EPS8: variants seen among roughly 807,000 people sequenced by gnomAD.
The protein encoded by EPS8 is EGFR pathway substrate 8, signaling adaptor.
In EPS8, 42 loss-of-function variants were observed where a neutral mutation model predicts 103.8. The ratio of observed to expected loss-of-function variants is 0.40; its 90% CI spans 0.32 to 0.52. The LOEUF (loss-of-function observed/expected upper bound fraction) is 0.52. EPS8 is among the 20% of genes least tolerant of loss of function. The pLI, the probability that EPS8 is intolerant of heterozygous loss-of-function variation, is 0.40. For synonymous variants in EPS8, 344 were observed against 344.6 expected, an observed-to-expected ratio of 1.00 and a Z score of 0.02; for missense variants, 969 against 1,005.1, an observed-to-expected ratio of 0.96 and a Z score of 0.49.
rs567194630 is a variant in EPS8 at position 15,655,257 on chromosome 12, G to A, written c.1102-964C>T. 6.6e-5 allele frequency among the ~76,000 whole-genome samples: 10 copies of A among 152,208 alleles called. No homozygotes were observed. The South Asian group carries it at 1.0e-3, about 16-fold the overall frequency. ...TGTGTTAACCCCACAGTGTAACTCC[G>A]ATGTACCACTCCCCAGCCTGCGTCC... On this transcript the variant is annotated intron_variant, in intron 12 of 20. Coordinates refer to ENST00000281172, the MANE Select transcript of EPS8 (RefSeq NM_004447.6).
chr12:15,751,723 G>A lies in EPS8; in HGVS notation c.-22+37438C>T, dbSNP rs1007593180. 6.6e-6 allele frequency among the ~76,000 whole-genome samples: 1 copy of A among 151,906 alleles called. No homozygotes were observed. Among genetic ancestry groups the A allele is most frequent in the South Asian group, 2.1e-4 (1 of 4,802 alleles). ...TTTTATGCTATGTTCATGCCATTTC[G>A]CTCTCTCCTCCCTCCCTCCTCTATA... On this transcript the variant is annotated intron_variant, in intron 1 of 20. Coordinates refer to ENST00000281172, the MANE Select transcript of EPS8 (RefSeq NM_004447.6). The surrounding 1 kb of genome is among the most constrained non-coding windows in gnomAD (Gnocchi z 4.3).
At position 15,650,864 on chromosome 12, in the gene EPS8, C is replaced by T; in HGVS notation, c.1393G>A (p.Glu465Lys). Reference sequence around the variant, plus strand: ...TTTATTTCCTGTTTGCGCTGATGTTCTGCTACATTTGCCACAGATTCTGCC... The same window carrying T: ...TTTATTTCCTGTTTGCGCTGATGTTTTGCTACATTTGCCACAGATTCTGCC... ...QLAESVANVA[E>K]HQRKQEIKRL... The change falls in exon 14 of 21, where the codon GAA becomes AAA. Residue 465 changes from glutamate to lysine, a missense_variant. Transcript: ENST00000281172. The T allele has an allele frequency of 6.2e-7, 1 of 1,613,968 alleles. No individual in the cohort carries two copies. Among genetic ancestry groups the T allele is most frequent in the Non-Finnish European group, 8.5e-7 (1 of 1,179,936 alleles).
In EPS8 at chr12:15,745,182, T is replaced by C. The variant is rs141808742; in HGVS notation, c.-22+43979A>G. ...GGCCAATTGTCCATTATTTTTAACATTATTTGTAAAGAAAAACTCTACCTG... is the reference window on the plus strand; with the variant it reads ...GGCCAATTGTCCATTATTTTTAACACTATTTGTAAAGAAAAACTCTACCTG... On this transcript the variant is annotated intron_variant, in intron 1 of 20. Transcript: ENST00000281172. The surrounding 1 kb of genome is among the most constrained non-coding windows in gnomAD (Gnocchi z 4.6). Among the ~76,000 whole-genome samples the C allele has an allele frequency of 7.9e-5, 12 of 152,270 alleles. No individual in the cohort carries two copies. In the East Asian group the frequency reaches 2.3e-3, roughly 29 times the overall value.
At position 15,732,732 on chromosome 12, in the gene EPS8, GA is replaced by G. The variant is rs568680200; in HGVS notation, c.-21-49761del. The G allele has an allele frequency of 2.2e-4, 217 of 970,518 alleles. No individual in the cohort carries two copies. The South Asian group carries it at 3.9e-3, about 17-fold the overall frequency. 60.1% of individuals were successfully genotyped at this position (970,518 alleles called of 1,614,324 possible). ...GAAAAAGAATATGATTTGCAATAAA[GA>G]GAACACAAAAGTACTTGCCAGATTA... is the stretch of plus-strand genomic sequence containing the variant. On this transcript the variant is annotated intron_variant, in intron 1 of 20. Transcript: ENST00000281172.
chr12:15,779,581 T>G lies in EPS8; in HGVS notation c.-22+9580A>C, dbSNP rs138188521. Reference sequence around the variant, plus strand: ...CCAACAAATATCTCAATAATATACATGTATTTCTATAATAAGGAATAACTT... The same window carrying G: ...CCAACAAATATCTCAATAATATACAGGTATTTCTATAATAAGGAATAACTT... On this transcript the variant is annotated intron_variant, in intron 1 of 20. Coordinates refer to ENST00000281172, the MANE Select transcript of EPS8 (RefSeq NM_004447.6). This position sits in a 1 kb window ranked among gnomAD's most constrained non-coding sequence, Gnocchi z 4.3. 1.3e-5 allele frequency among the ~76,000 whole-genome samples: 2 copies of G among 152,226 alleles called. No homozygotes were observed. The highest frequency in any genetic ancestry group is 4.1e-4 in the South Asian group (2 of 4,834).
intron 6 of EPS8, among the ~76,000 whole-genome samples, chr12:15,667,968 T>A (rs528446481): frequency 6.6e-6 from 1 of 152,270 alleles, no homozygotes; most frequent in South Asian, 2.1e-4. Flanking sequence ...TAGTAACTTT[T>A]AGCTCCCGGG....
intron 1 of EPS8, among the ~76,000 whole-genome samples, chr12:15,741,210 T>C (rs968391361): frequency 1.3e-5 from 2 of 152,208 alleles, no homozygotes; most frequent in African/African-American, 4.8e-5. Flanking sequence ...ATCTTTGAAT[T>C]TGCATTTTGT....
At chr12:15,775,547 G>C (rs2136048431) in intron 1 of EPS8, among the ~76,000 whole-genome samples, 1 of 152,248 alleles carries the variant, frequency 6.6e-6, no homozygotes, top group East Asian at 1.9e-4. Flanking sequence ...AATACAAAAT[G>C]TGAATATCAT....
In EPS8 at chr12:15,623,148, C is replaced by T; in HGVS notation, c.2355+10G>A. On this transcript the variant is annotated intron_variant, in intron 20 of 20. Transcript: ENST00000281172. ...GCAGAAAAACACCACCTTAGGTTGA[C>T]AAGTCATACCTCCAATGCAGCTTTT... 1 of 1,597,174 alleles carries T rather than the reference C, an allele frequency of 6.3e-7. No homozygotes were observed. The highest frequency in any genetic ancestry group is 8.5e-7 in the Non-Finnish European group (1 of 1,175,062).
In EPS8 at chr12:15,735,004, A is replaced by G. The variant is rs148163181; in HGVS notation, c.-21-52032T>C. On this transcript the variant is annotated intron_variant, in intron 1 of 20. Transcript: ENST00000281172. The surrounding 1 kb of genome is among the most constrained non-coding windows in gnomAD (Gnocchi z 4.4). ...AGGGCATCTGTAGCACAGCCCAGGT[A>G]TTGACAGGGAGCTCCGAATGCCTAG... Among the ~76,000 whole-genome samples the G allele has an allele frequency of 1.4e-3, 214 of 152,268 alleles. 1 individual carries two copies. Among genetic ancestry groups the G allele is most frequent in the African/African-American group, 5.0e-3 (206 of 41,520 alleles).
Position 15,725,643 on chromosome 12 carries a change from A to G in EPS8, c.-21-42671T>C, listed in dbSNP as rs908790598. On this transcript the variant is annotated intron_variant, in intron 1 of 20. Transcript: ENST00000281172. The surrounding 1 kb of genome is among the most constrained non-coding windows in gnomAD (Gnocchi z 4.5). ...ATGGTGATTCACTCACCACCACAGT[A>G]TCAACCTTGGACATTAGACCTGTAA... Among the ~76,000 whole-genome samples, 25 of 152,158 alleles carry G rather than the reference A, an allele frequency of 1.6e-4. No homozygotes were observed. The highest frequency in any genetic ancestry group is 6.0e-4 in the African/African-American group (25 of 41,430).
At chr12:15,635,977 G>C (rs954249859) in intron 17 of EPS8, among the ~76,000 whole-genome samples, 1 of 152,074 alleles carries the variant, frequency 6.6e-6, no homozygotes, top group Middle Eastern at 3.4e-3. Context: ...TAATAATTAA[G>C]AATATATGAA....
At chr12:15,676,437 G>C (rs1420746241) in intron 3 of EPS8, among the ~76,000 whole-genome samples, 1 of 152,030 alleles carries the variant, frequency 6.6e-6, no homozygotes. Context: ...GGAAAAAGCA[G>C]CCCTAAATAT....
At chr12:15,624,784 C>T (rs894275021) in intron 18 of EPS8, among the ~76,000 whole-genome samples, 2 of 152,172 alleles carry the variant, frequency 1.3e-5, no homozygotes. Context: ...TACTACATTT[C>T]CTTAGACTGG....
At position 15,698,302 on chromosome 12, in the gene EPS8, T is replaced by C. The variant is rs1359491849; in HGVS notation, c.-21-15330A>G. 6.6e-6 allele frequency among the ~76,000 whole-genome samples: 1 copy of C among 152,164 alleles called. No homozygotes were observed. Among genetic ancestry groups the C allele is most frequent in the Non-Finnish European group, 1.5e-5 (1 of 68,024 alleles). ...CAATGTTCTAAAAGTAATTTTAAAA[T>C]CTTACTAATAAATATTTTAACCAAG... On this transcript the variant is annotated intron_variant, in intron 1 of 20. Transcript: ENST00000281172. This position sits in a 1 kb window ranked among gnomAD's most constrained non-coding sequence, Gnocchi z 4.9.
rs915710338 is a variant in EPS8, at chr12:15,764,571, C to T, written c.-22+24590G>A. On this transcript the variant is annotated intron_variant, in intron 1 of 20. Transcript: ENST00000281172. The surrounding 1 kb of genome is among the most constrained non-coding windows in gnomAD (Gnocchi z 4.1). ...TCTCTCTAAATCTATGACTATACAA[C>T]CTAAAGATTTTATTTTCAGGGCTTG... Among the ~76,000 whole-genome samples the T allele has an allele frequency of 3.9e-5, 6 of 152,090 alleles. No homozygotes were observed. The highest frequency in any genetic ancestry group is 1.4e-4 in the African/African-American group (6 of 41,424).
rs1436285542 is a variant in EPS8 at position 15,717,690 on chromosome 12, A to G, written c.-21-34718T>C. ...ATATTATACGTTCTTTCCAGAAGTT[A>G]TTTAGAAGAGTGAGACCATACTTAA... On this transcript the variant is annotated intron_variant, in intron 1 of 20. Coordinates refer to ENST00000281172, the MANE Select transcript of EPS8 (RefSeq NM_004447.6). This position sits in a 1 kb window ranked among gnomAD's most constrained non-coding sequence, Gnocchi z 4.3. Among the ~76,000 whole-genome samples the G allele has an allele frequency of 6.6e-6, 1 of 152,234 alleles. No individual in the cohort carries two copies. The highest frequency in any genetic ancestry group is 1.5e-5 in the Non-Finnish European group (1 of 68,044).
chr12:15,630,385 C>T lies in EPS8; in HGVS notation c.2044+1057G>A, dbSNP rs1283424954. Reference sequence around the variant, plus strand: ...AAATTTGGAGATTAAATTGACATGCCATATACTACAAGGTTAAACAAAATT... The same window carrying T: ...AAATTTGGAGATTAAATTGACATGCTATATACTACAAGGTTAAACAAAATT... On this transcript the variant is annotated intron_variant, in intron 18 of 20. Coordinates refer to ENST00000281172, the MANE Select transcript of EPS8 (RefSeq NM_004447.6). 3.9e-5 allele frequency among the ~76,000 whole-genome samples: 6 copies of T among 152,050 alleles called. No homozygotes were observed. The East Asian group carries it at 1.2e-3, about 29-fold the overall frequency.
At position 15,688,970 on chromosome 12, in the gene EPS8, G is replaced by T. The variant is rs1365668138; in HGVS notation, c.-21-5998C>A. ...GGGATTGGAACCTCACAGCCTGCCA[G>T]TCTGCATGCTCCCCTAGAGGTCTGA... On this transcript the variant is annotated intron_variant, in intron 1 of 20. Coordinates refer to ENST00000281172, the MANE Select transcript of EPS8 (RefSeq NM_004447.6). This position sits in a 1 kb window ranked among gnomAD's most constrained non-coding sequence, Gnocchi z 5.1. 6.6e-6 allele frequency among the ~76,000 whole-genome samples: 1 copy of T among 152,168 alleles called. No individual in the cohort carries two copies. Among genetic ancestry groups the T allele is most frequent in the South Asian group, 2.1e-4 (1 of 4,832 alleles).
Sources: gnomAD v4.1 joint callset for allele counts (sites outside exome capture counted in the v4.1 genomes callset) on GRCh38, gnomAD v4.1.1 for gene constraint, Gnocchi (gnomAD v3.1) non-coding constraint, MANE v1.5 for transcripts, NCBI Gene and HGNC (gene_info 2026-07-23, HGNC 2026-07-21) for gene names.